The following ITPR2 variants were observed in gnomAD, a reference collection of about 807,000 sequenced individuals.
The protein encoded by ITPR2 is inositol 1,4,5-trisphosphate-gated calcium channel ITPR2.
In ITPR2, 207 loss-of-function variants were observed where a neutral mutation model predicts 317.1. That is an observed-to-expected ratio of 0.65 (90% CI 0.58 to 0.73). The LOEUF is 0.73. Ranked by LOEUF, ITPR2 falls within the 30% of genes least tolerant of loss-of-function variation. The pLI, the probability that ITPR2 is intolerant of heterozygous loss-of-function variation, is 0.00. For synonymous variants in ITPR2, 1,156 were observed against 1,149.1 expected (o/e 1.01, Z -0.12); for missense variants, 2,613 against 3,284.0 (o/e 0.80, Z 4.99).
At chr12:26,712,684 G>A (rs1948670309) in intron 8 of ITPR2, among the ~76,000 whole-genome samples, 1 of 150,974 alleles carries the variant, frequency 6.6e-6, no homozygotes, top group South Asian at 2.1e-4. Context: ...CAATTTTGTG[G>A]TTTGTATATA....
In ITPR2 at chr12:26,443,542, C is replaced by T. The variant is rs767390544; in HGVS notation, c.6450+1G>A. The T allele has an allele frequency of 1.2e-6, 2 of 1,601,048 alleles. No homozygotes were observed. The highest frequency in any genetic ancestry group is 8.6e-7 in the Non-Finnish European group (1 of 1,169,200). Reference sequence around the variant, plus strand: ...TCTTTCAATAAATAATAGATGGTTACCTCAATCTGTGCAGTGTGGTTGGCA... The same window carrying T: ...TCTTTCAATAAATAATAGATGGTTATCTCAATCTGTGCAGTGTGGTTGGCA... On this transcript the variant is annotated splice_donor_variant, in intron 46 of 56. Coordinates refer to ENST00000381340, the MANE Select transcript of ITPR2 (RefSeq NM_002223.4). LOFTEE classifies it high-confidence loss of function.
chr12:26,353,545 AC>A (rs1162009985), intron 55 of ITPR2, among the ~76,000 whole-genome samples: 1 of 152,182 alleles, frequency 6.6e-6, no homozygotes, highest in East Asian at 1.9e-4. Context: ...TTTAAGAGCA[AC>A]CTGAAGACAG....
intron 2 of ITPR2, among the ~76,000 whole-genome samples, chr12:26,783,686 G>C (rs1950137342): frequency 6.6e-6 from 1 of 152,028 alleles, no homozygotes; most frequent in South Asian, 2.1e-4. Context: ...AAAAAAATAA[G>C]ACCCATGATG....
At chr12:26,725,830 A>C in intron 2 of ITPR2, 65 bp from the exon 3 acceptor site, 1 of 1,085,226 alleles carries the variant, frequency 9.2e-7, no homozygotes, top group Non-Finnish European at 1.4e-6. Context: ...GATTTCCCTT[A>C]TAGCTCAGCT....
At chr12:26,732,045 A>C (rs1949037179) in intron 2 of ITPR2, among the ~76,000 whole-genome samples, 1 of 152,232 alleles carries the variant, frequency 6.6e-6, no homozygotes, top group Non-Finnish European at 1.5e-5. Flanking sequence ...TGCCTAAGGC[A>C]ACTGTAAAGA....
chr12:26,574,682 T>TC (rs934422989), intron 34 of ITPR2, among the ~76,000 whole-genome samples: 1 of 152,184 alleles, frequency 6.6e-6, no homozygotes, highest in Admixed American at 6.5e-5. Context: ...GACTCGTCGT[T>TC]CTGCGGGCCA....
intron 55 of ITPR2, among the ~76,000 whole-genome samples, chr12:26,364,824 A>G (rs1285791408): frequency 9.2e-5 from 14 of 152,074 alleles, no homozygotes; most frequent in Non-Finnish European, 2.1e-4. Context: ...ACTACCCCCA[A>G]TTTGTTCTGT....
At chr12:26,484,836 G>A (rs371734705) in intron 41 of ITPR2, among the ~76,000 whole-genome samples, 5 of 151,798 alleles carry the variant, frequency 3.3e-5, no homozygotes, top group African/African-American at 4.8e-5. Flanking sequence ...CTCAGCCTCC[G>A]GAGTAGCTGG....
intron 2 of ITPR2, among the ~76,000 whole-genome samples, chr12:26,780,312 C>A (rs1282274064): frequency 6.6e-6 from 1 of 152,188 alleles, no homozygotes; most frequent in African/African-American, 2.4e-5. Context: ...ATAGAAAGGG[C>A]AGAGGTTTTT....
intron 21 of ITPR2, among the ~76,000 whole-genome samples, chr12:26,640,049 A>G (rs1946951183): frequency 6.6e-6 from 1 of 152,154 alleles, no homozygotes; most frequent in East Asian, 1.9e-4. Context: ...GTTGGGTTCT[A>G]ACAATAAGCC....
In ITPR2 at chr12:26,432,556, A is replaced by G. The variant is rs915879614; in HGVS notation, c.6769+3665T>C. Among the ~76,000 whole-genome samples the G allele has an allele frequency of 5.9e-5, 9 of 151,346 alleles. 1 individual carries two copies. Among genetic ancestry groups the G allele is most frequent in the Non-Finnish European group, 1.2e-4 (8 of 68,034 alleles). ...ATTGTACATTATATATAGGTTATAT[A>G]CTTTTCATCATATAGTCACCCATTA... On this transcript the variant is annotated intron_variant, in intron 48 of 56. Transcript: ENST00000381340.
chr12:26,502,170 T>C (rs774324736), intron 37 of ITPR2, among the ~76,000 whole-genome samples: 3 of 152,194 alleles, frequency 2.0e-5, no homozygotes, highest in African/African-American at 4.8e-5. Context: ...CCAGGAAGCA[T>C]ACTAACTAAC....
chr12:26,345,665 T>C (rs1232236450), intron 55 of ITPR2, among the ~76,000 whole-genome samples: 1 of 152,210 alleles, frequency 6.6e-6, no homozygotes, highest in Non-Finnish European at 1.5e-5. Flanking sequence ...TGCTTTTCCA[T>C]TGAAAGTAGC....
intron 2 of ITPR2, among the ~76,000 whole-genome samples, chr12:26,782,027 TATATATGTATAGAGAGAGAGAG>T (rs1565759988): frequency 1.9e-4 from 5 of 26,280 alleles, no homozygotes; most frequent in Admixed American, 9.8e-4. Context: ...TATATATATA[TATATATGTATAGAGAGAGAGAG>T]AGAGAGAGAG....
chr12:26,693,652 T>G (rs930214859), intron 10 of ITPR2, among the ~76,000 whole-genome samples: 1 of 152,218 alleles, frequency 6.6e-6, no homozygotes, highest in Non-Finnish European at 1.5e-5. Context: ...ATTTTGGTGT[T>G]TTTGATCTGT....
At chr12:26,767,356 A>C (rs539442120) in intron 2 of ITPR2, among the ~76,000 whole-genome samples, 1 of 152,280 alleles carries the variant, frequency 6.6e-6, no homozygotes, top group African/African-American at 2.4e-5. Flanking sequence ...GCAAATAAAT[A>C]AAGTTCTGAG....
chr12:26,718,495 C>A, intron 5 of ITPR2, among the ~76,000 whole-genome samples: 1 of 147,112 alleles, frequency 6.8e-6, no homozygotes, highest in African/African-American at 2.6e-5. Flanking sequence ...AAAATACCAC[C>A]CATAAAACTG....
In ITPR2 at chr12:26,483,781, T is replaced by A; in HGVS notation, c.5929A>T (p.Ile1977Phe). The A allele has an allele frequency of 6.2e-7, 1 of 1,614,196 alleles. No homozygotes were observed. The highest frequency in any genetic ancestry group is 8.5e-7 in the Non-Finnish European group (1 of 1,180,002). The change falls in exon 42 of 57, where the codon ATC becomes TTC. Residue 1977 changes from isoleucine (I) to phenylalanine (F), a missense_variant. By Grantham distance (21) the Ile-to-Phe change is conservative. Transcript: ENST00000381340. ...ACCAGCGCTACATTCTTCTCATTGA[T>A]GTAGAGACCCAACAGGCCCAGGCCA... ...TGGLGLLGLYINEKNVALVNQ... is the reference protein window; with the variant it reads ...TGGLGLLGLYFNEKNVALVNQ...
chr12:26,462,565 A>C (rs1050071762), intron 45 of ITPR2, among the ~76,000 whole-genome samples: 3 of 152,094 alleles, frequency 2.0e-5, no homozygotes, highest in Admixed American at 6.6e-5. Flanking sequence ...GGATCTATTG[A>C]CTAAATGAGA....
Sources: gnomAD v4.1 joint callset for allele counts (sites outside exome capture counted in the v4.1 genomes callset) on GRCh38, gnomAD v4.1.1 for gene constraint, MANE v1.5 for transcripts, NCBI Gene and HGNC (gene_info 2026-07-23, HGNC 2026-07-21) for gene names.